CHN2: variants seen among roughly 807,000 people sequenced by gnomAD.
CHN2 encodes the protein beta-chimaerin.
In CHN2, 35 loss-of-function variants were observed where a neutral mutation model predicts 56.3. The ratio of observed to expected loss-of-function variants is 0.62; its 90% CI spans 0.47 to 0.82. The LOEUF (loss-of-function observed/expected upper bound fraction) is 0.82. Ranked by LOEUF, CHN2 falls within the 40% of genes least tolerant of loss-of-function variation. The pLI is 0.00. For synonymous variants in CHN2, 210 were observed against 212.8 expected, an observed-to-expected ratio of 0.99 and a Z score of 0.12; for missense variants, 491 against 580.5, an observed-to-expected ratio of 0.85 and a Z score of 1.58.
At chr7:29,361,103 TC>T (rs1206243120) in intron 2 of CHN2, among the ~76,000 whole-genome samples, 1 of 152,196 alleles carries the variant, frequency 6.6e-6, no homozygotes, top group African/African-American at 2.4e-5. Flanking sequence ...CAGAAGTAAT[TC>T]CATCACGTCA....
chr7:29,465,033 C>T (rs1446472424), intron 6 of CHN2, among the ~76,000 whole-genome samples: 2 of 152,110 alleles, frequency 1.3e-5, no homozygotes, highest in South Asian at 2.1e-4. Context: ...TTTATAAATT[C>T]ACATCCTAAA....
chr7:29,177,735 C>A (rs1167539870), intron 2 of CHN2, among the ~76,000 whole-genome samples: 1 of 152,042 alleles, frequency 6.6e-6, no homozygotes, highest in African/African-American at 2.4e-5. Flanking sequence ...ACCAGCTATA[C>A]CCCAACCCTC....
intron 1 of CHN2, among the ~76,000 whole-genome samples, chr7:29,326,660 T>C (rs979792185): frequency 3.3e-5 from 5 of 152,210 alleles, no homozygotes; most frequent in Non-Finnish European, 7.3e-5. Flanking sequence ...CTTTTCCTAC[T>C]AATGGGCTTG....
chr7:29,407,981 A>G (rs535841585), intron 6 of CHN2, among the ~76,000 whole-genome samples: 20 of 152,182 alleles, frequency 1.3e-4, no homozygotes, highest in African/African-American at 4.3e-4. Context: ...TGAGGTCAGG[A>G]GTTCAAGACC....
intron 1 of CHN2, among the ~76,000 whole-genome samples, chr7:29,313,339 A>G (rs776966816): frequency 3.9e-5 from 6 of 152,240 alleles, no homozygotes; most frequent in Non-Finnish European, 7.3e-5. Flanking sequence ...AGAAATAGTC[A>G]AGGCCCTATG....
At chr7:29,249,926 T>C (rs528166609) in intron 1 of CHN2, among the ~76,000 whole-genome samples, 2 of 152,384 alleles carry the variant, frequency 1.3e-5, no homozygotes, top group South Asian at 2.1e-4. Flanking sequence ...CAATTTTAGT[T>C]GTAAAACCAT....
intron 1 of CHN2, among the ~76,000 whole-genome samples, chr7:29,220,280 A>AAGAGAGAGAGAGAGAG (rs60474405): frequency 8.0e-4 from 111 of 138,136 alleles, no homozygotes; most frequent in African/African-American, 2.7e-3. Flanking sequence ...AAAAAAAAAA[A>AAGAGAGAGAGAGAGAG]AGAGAGAGAG....
At chr7:29,365,487 AT>A (rs986037898) in intron 2 of CHN2, among the ~76,000 whole-genome samples, 1 of 152,250 alleles carries the variant, frequency 6.6e-6, no homozygotes, top group African/African-American at 2.4e-5. Flanking sequence ...GACTAGGGTG[AT>A]GTCTTTGGAT....
At chr7:29,504,310 A>C (rs1296754174) in intron 9 of CHN2, among the ~76,000 whole-genome samples, 1 of 152,194 alleles carries the variant, frequency 6.6e-6, no homozygotes, top group Non-Finnish European at 1.5e-5. Context: ...CTGTATCAAA[A>C]TATCTCATAT....
At chr7:29,265,540 C>G (rs1357523866) in intron 1 of CHN2, among the ~76,000 whole-genome samples, 2 of 152,176 alleles carry the variant, frequency 1.3e-5, no homozygotes, top group Non-Finnish European at 1.5e-5. Flanking sequence ...ATAGGGACTC[C>G]TGGAGTGAAG....
chr7:29,368,368 G>A (rs573166272), intron 3 of CHN2, among the ~76,000 whole-genome samples: 11 of 152,060 alleles, frequency 7.2e-5, no homozygotes, highest in Admixed American at 1.3e-4. Flanking sequence ...TACTTTCAAC[G>A]CCCATATTTA....
intron 1 of CHN2, chr7:29,200,574 T>C (rs1296662384): frequency 6.6e-6 from 1 of 151,178 alleles, no homozygotes; most frequent in African/African-American, 2.4e-5. Flanking sequence ...TTCTTTACTG[T>C]TCGTAGTTTG....
chr7:29,211,824 T>G (rs1784981788), intron 1 of CHN2, among the ~76,000 whole-genome samples: 1 of 152,050 alleles, frequency 6.6e-6, no homozygotes, highest in Non-Finnish European at 1.5e-5. Context: ...ACTATTTTAT[T>G]GAATGATCAT....
intron 2 of CHN2, among the ~76,000 whole-genome samples, 167 bp downstream of exon 2, chr7:29,354,830 G>A (rs1798160970): frequency 6.6e-6 from 1 of 151,964 alleles, no homozygotes; most frequent in Non-Finnish European, 1.5e-5. Flanking sequence ...GATTAACAGA[G>A]CCCCCTCCTC....
chr7:29,147,511 T>C (rs1400172888), intron 2 of CHN2, among the ~76,000 whole-genome samples: 1 of 152,226 alleles, frequency 6.6e-6, no homozygotes, highest in African/African-American at 2.4e-5. Context: ...CAAACTAATG[T>C]CACTGAATAT....
intron 6 of CHN2, among the ~76,000 whole-genome samples, chr7:29,471,651 C>T (rs981172496): frequency 5.3e-5 from 8 of 152,120 alleles, no homozygotes; most frequent in African/African-American, 1.4e-4. Context: ...CATCGAGAGT[C>T]GCCATCTGTC....
chr7:29,362,369 A>T (rs1562547671), intron 2 of CHN2, among the ~76,000 whole-genome samples: 1 of 152,242 alleles, frequency 6.6e-6, no homozygotes, highest in Non-Finnish European at 1.5e-5. Context: ...TGGGAAGATG[A>T]AGTGAGAAGA....
intron 6 of CHN2, among the ~76,000 whole-genome samples, chr7:29,409,471 A>AT (rs777965947): frequency 2.0e-5 from 3 of 152,196 alleles, no homozygotes; most frequent in Non-Finnish European, 4.4e-5. Flanking sequence ...TTGTTTTTAC[A>AT]TTTTTGTAAA....
chr7:29,415,971 TG>T (rs1005402486), intron 6 of CHN2, among the ~76,000 whole-genome samples: 5 of 152,236 alleles, frequency 3.3e-5, no homozygotes, highest in African/African-American at 1.2e-4. Context: ...AATTGTTTTT[TG>T]TAAGTTTTAC....
Sources: gnomAD v4.1 joint callset for allele counts (sites outside exome capture counted in the v4.1 genomes callset) on GRCh38, gnomAD v4.1.1 for gene constraint, MANE v1.5 for transcripts, NCBI Gene and HGNC (gene_info 2026-07-23, HGNC 2026-07-21) for gene names.